Variants in PBRM1 observed in about 807,000 individuals in gnomAD.
PBRM1 encodes protein polybromo-1.
A neutral mutation model predicts 194.5 loss-of-function variants in PBRM1; 27 were observed. That is an observed-to-expected ratio of 0.14 (90% CI 0.10 to 0.19). The LOEUF (loss-of-function observed/expected upper bound fraction) is 0.19, where lower values mean the gene tolerates loss of function less well. Ranked by LOEUF, PBRM1 falls within the 10% of genes least tolerant of loss-of-function variation. The probability of loss-of-function intolerance (pLI) is 1.00; values close to 1 mark genes in which losing one functional copy is unlikely to be tolerated. For synonymous variants in PBRM1, 655 were observed against 693.2 expected (o/e 0.94, Z 0.87); for missense variants, 1,466 against 2,077.2 (o/e 0.71, Z 5.72).
chr3:52,596,331 G>A (rs573321701), intron 17 of PBRM1, among the ~76,000 whole-genome samples: 4 of 151,120 alleles, frequency 2.6e-5, no homozygotes, highest in South Asian at 4.2e-4. Flanking sequence ...CCAGCTACTC[G>A]GGGGGCTGAG....
At chr3:52,618,113 C>T (rs2095065319) in intron 13 of PBRM1, among the ~76,000 whole-genome samples, 1 of 152,172 alleles carries the variant, frequency 6.6e-6, no homozygotes, top group Non-Finnish European at 1.5e-5. Flanking sequence ...CTGTCAGGGT[C>T]GTCCTTGCTT....
intron 7 of PBRM1, among the ~76,000 whole-genome samples, chr3:52,646,957 A>G (rs1265057057): frequency 6.6e-6 from 1 of 152,174 alleles, no homozygotes; most frequent in Non-Finnish European, 1.5e-5. Flanking sequence ...ACACAATCAC[A>G]AAAGTGAAAA....
At chr3:52,576,820 G>T (rs940446342) in intron 21 of PBRM1, 122 bp from the exon 24 acceptor site, 1 of 566,774 alleles carries the variant, frequency 1.8e-6, no homozygotes, top group Non-Finnish European at 3.0e-6. Flanking sequence ...TTCACTGGCT[G>T]TTTTGGTAAG....
At chr3:52,590,703 T>C (rs1393880142) in intron 17 of PBRM1, among the ~76,000 whole-genome samples, 1 of 152,196 alleles carries the variant, frequency 6.6e-6, no homozygotes, top group Non-Finnish European at 1.5e-5. Flanking sequence ...CCTCAAGTGA[T>C]CTGCCCGCCT....
At chr3:52,603,680 T>C in exon 17 of PBRM1, 1 of 1,612,340 alleles carries the variant, frequency 6.2e-7, no homozygotes, top group Non-Finnish European at 8.5e-7. Context: ...TCACGAATTT[T>C]AATAAAAAAC....
chr3:52,648,579 T>C (rs1266537909), intron 6 of PBRM1, 137 bp from the exon 8 acceptor site: 6 of 445,940 alleles, frequency 1.3e-5, no homozygotes, highest in East Asian at 6.9e-5. Context: ...ATGAACAACA[T>C]GTAAAGTCAT....
chr3:52,578,960 A>AAGG, intron 21 of PBRM1, 94 bp downstream of exon 23: 1 of 1,157,570 alleles, frequency 8.6e-7, no homozygotes, highest in Non-Finnish European at 1.3e-6. Flanking sequence ...CTGCCAGGGG[A>AAGG]AGGACTTTTG....
chr3:52,668,710 A>G (rs2096887861), intron 2 of PBRM1, 65 bp from the exon 4 acceptor site: 1 of 933,630 alleles, frequency 1.1e-6, no homozygotes, highest in Non-Finnish European at 1.5e-6. Flanking sequence ...TTATTTCAAA[A>G]CTATTTATGG....
intron 13 of PBRM1, 40 bp downstream of exon 14, chr3:52,627,233 C>T (rs2153577220): frequency 9.0e-7 from 1 of 1,105,320 alleles, no homozygotes; most frequent in Non-Finnish European, 1.4e-6. Flanking sequence ...ACAAAATTAA[C>T]AGGAACTGAG....
intron 15 of PBRM1, among the ~76,000 whole-genome samples, chr3:52,612,774 C>T (rs1576723287): frequency 6.6e-6 from 1 of 151,972 alleles, no homozygotes; most frequent in South Asian, 2.1e-4. Flanking sequence ...GGCATGGTGG[C>T]GTGTCCCTGT....
intron 4 of PBRM1, among the ~76,000 whole-genome samples, chr3:52,659,223 C>T (rs1173787872): frequency 2.0e-5 from 3 of 152,082 alleles, no homozygotes; most frequent in Non-Finnish European, 4.4e-5. Flanking sequence ...GAGTACTTGA[C>T]CAGGGAGGGT....
chr3:52,567,122 C>T lies in PBRM1; in HGVS notation c.3692-2889G>A, dbSNP rs115087728. Among the ~76,000 whole-genome samples, 1,025 of 135,236 alleles carry T rather than the reference C, an allele frequency of 7.6e-3. 13 individuals are homozygous for T. The highest frequency in any genetic ancestry group is 0.026 in the African/African-American group (973 of 36,810). 88.7% of individuals were successfully genotyped at this position (135,236 alleles called of 152,430 possible). ...TGAATTCTATGACATATATATAAAA[C>T]AATAAAAAACTCCCATAAATGGTAG... On this transcript the variant is annotated intron_variant, in intron 22 of 29. Coordinates refer to ENST00000296302, the Ensembl canonical transcript of PBRM1.
chr3:52,681,777 G>A, upstream of PBRM1: 2 of 987,764 alleles, frequency 2.0e-6, no homozygotes. Flanking sequence ...AGTGGGAGAA[G>A]GAAGGGCTTT....
chr3:52,626,299 T>C (rs1465874499), intron 13 of PBRM1, among the ~76,000 whole-genome samples: 1 of 152,236 alleles, frequency 6.6e-6, no homozygotes, highest in Non-Finnish European at 1.5e-5. Flanking sequence ...CTGATCAATT[T>C]AGTTACCATG....
chr3:52,566,748 G>A (rs1020769354), intron 22 of PBRM1, among the ~76,000 whole-genome samples: 7 of 152,152 alleles, frequency 4.6e-5, no homozygotes, highest in East Asian at 1.9e-4. Context: ...ATAGCTGTAC[G>A]GTATTGTCAA....
intron 13 of PBRM1, among the ~76,000 whole-genome samples, chr3:52,623,616 A>C (rs1391395156): frequency 6.6e-6 from 1 of 152,242 alleles, no homozygotes; most frequent in African/African-American, 2.4e-5. Context: ...CAAGAAAATA[A>C]ACAGCTACAT....
chr3:52,672,014 CATTT>C (rs1265905719), intron 2 of PBRM1, among the ~76,000 whole-genome samples: 1 of 152,186 alleles, frequency 6.6e-6, no homozygotes, highest in East Asian at 1.9e-4. Context: ...AAACAAAACC[CATTT>C]ATTATATTAG....
At chr3:52,679,838 G>T, upstream of PBRM1, 11 of 670,504 alleles carry the variant, frequency 1.6e-5, no homozygotes, top group South Asian at 1.5e-4. Flanking sequence ...ATTTTAACGT[G>T]TTGTAGTTTA....
At chr3:52,586,524 G>A (rs751247753) in exon 20 of PBRM1, 4 of 1,613,860 alleles carry the variant, frequency 2.5e-6, no homozygotes, top group East Asian at 2.2e-5. Context: ...CAGAGGCCAC[G>A]CGAACCACAG....
Sources: gnomAD v4.1 joint callset for allele counts (sites outside exome capture counted in the v4.1 genomes callset) on GRCh38, gnomAD v4.1.1 for gene constraint, MANE v1.5 for transcripts, NCBI Gene and HGNC (gene_info 2026-07-23, HGNC 2026-07-21) for gene names.